The following GON4L variants were observed in gnomAD, a reference collection of about 807,000 sequenced individuals.
GON4L encodes gon-4 like, also known as GON-4-like protein.
A neutral mutation model predicts 211.8 loss-of-function variants in GON4L; 87 were observed. The ratio of observed to expected loss-of-function variants is 0.41; its 90% confidence interval spans 0.35 to 0.49. The LOEUF is 0.49. GON4L is among the 20% of genes least tolerant of loss of function. The pLI is 0.15. For synonymous variants in GON4L, 875 were observed against 962.6 expected (o/e 0.91, Z 1.68); for missense variants, 2,155 against 2,659.5 (o/e 0.81, Z 4.17).
At chr1:155,803,709 A>C (rs1666892751) in intron 11 of GON4L, among the ~76,000 whole-genome samples, 1 of 152,220 alleles carries the variant, frequency 6.6e-6, no homozygotes. Flanking sequence ...AATCCCATGT[A>C]GTACCAAGAG....
At chr1:155,847,659 G>A (rs892067398) in intron 2 of GON4L, among the ~76,000 whole-genome samples, 12 of 152,002 alleles carry the variant, frequency 7.9e-5, no homozygotes, top group Non-Finnish European at 1.5e-4. Context: ...CTGAGATGGC[G>A]CCACTGCACT....
intron 14 of GON4L, among the ~76,000 whole-genome samples, chr1:155,780,605 T>A (rs908310543): frequency 1.3e-5 from 2 of 151,496 alleles, no homozygotes; most frequent in Admixed American, 1.3e-4. Flanking sequence ...AAAAATAAAA[T>A]AAAATAAATA....
intron 2 of GON4L, among the ~76,000 whole-genome samples, chr1:155,839,556 CAGG>C (rs1670595337): frequency 6.6e-6 from 1 of 150,610 alleles, no homozygotes; most frequent in Non-Finnish European, 1.5e-5. Context: ...GAGGCTGAGG[CAGG>C]AGAATTGCTT....
chr1:155,804,798 A>G (rs1666989483), intron 11 of GON4L, 151 bp downstream of exon 11: 2 of 683,516 alleles, frequency 2.9e-6, no homozygotes, highest in Non-Finnish European at 5.2e-6. Context: ...AAAAAAAAAG[A>G]AAAATTAACT....
intron 2 of GON4L, 147 bp downstream of exon 2, chr1:155,853,129 A>G (rs1671963050): frequency 3.8e-6 from 3 of 782,904 alleles, no homozygotes; most frequent in South Asian, 3.0e-5. Context: ...AAAAAAGTTC[A>G]CTGTTGACCC....
At chr1:155,752,902 C>T (rs1005980327) in intron 29 of GON4L, among the ~76,000 whole-genome samples, 1 of 152,046 alleles carries the variant, frequency 6.6e-6, no homozygotes, top group Non-Finnish European at 1.5e-5. Flanking sequence ...AAGCTGAGAA[C>T]GGCCCAGTCT....
rs1006008719 is a variant in GON4L at position 155,785,209 on chromosome 1, A to T, written c.1788+125T>A. 1.5e-5 allele frequency: 12 copies of T among 779,312 alleles called. No homozygotes were observed. The Admixed American group carries it at 2.1e-4, about 13-fold the overall frequency. The allele number at this position is 779,312 out of a possible 1,614,324, so 48.3% of individuals were successfully genotyped here. Reference sequence around the variant, plus strand: ...TGTCATTATATTCTTTCCCAGGTAGACTAAAAGGAGAATTGGTTCAGTCAG... The same window carrying T: ...TGTCATTATATTCTTTCCCAGGTAGTCTAAAAGGAGAATTGGTTCAGTCAG... On this transcript the variant is annotated intron_variant, in intron 13 of 31. Coordinates refer to ENST00000368331, the MANE Select transcript of GON4L (RefSeq NM_001282860.2).
At chr1:155,818,381 G>A (rs1433598246) in intron 6 of GON4L, among the ~76,000 whole-genome samples, 1 of 151,994 alleles carries the variant, frequency 6.6e-6, no homozygotes. Context: ...CAAAGTGCTG[G>A]GATTACAGGC....
chr1:155,788,609 T>C (rs575102959), intron 12 of GON4L, among the ~76,000 whole-genome samples: 2 of 152,234 alleles, frequency 1.3e-5, no homozygotes, highest in South Asian at 2.1e-4. Context: ...AACACAAAAA[T>C]AGATAATCTG....
chr1:155,777,204 T>C (rs1048715985), intron 15 of GON4L, among the ~76,000 whole-genome samples: 1 of 152,206 alleles, frequency 6.6e-6, no homozygotes, highest in African/African-American at 2.4e-5. Context: ...GAAGATACTA[T>C]GGTTTTAGGA....
chr1:155,800,983 G>T (rs1394902390), intron 11 of GON4L, among the ~76,000 whole-genome samples: 1 of 151,278 alleles, frequency 6.6e-6, no homozygotes, highest in Non-Finnish European at 1.5e-5. Context: ...GCAAGACAAT[G>T]AATTTCTCTG....
chr1:155,817,684 C>A (rs990254283), intron 6 of GON4L, among the ~76,000 whole-genome samples: 5 of 152,136 alleles, frequency 3.3e-5, no homozygotes, highest in Non-Finnish European at 7.3e-5. Flanking sequence ...GAGATCAAGG[C>A]AGAAGGATCA....
intron 21 of GON4L, 70 bp from the exon 22 acceptor site, chr1:155,763,634 A>G (rs147846795): frequency 7.3e-5 from 96 of 1,306,796 alleles, no homozygotes; most frequent in East Asian, 7.3e-4. Context: ...ACACAAAGCT[A>G]TATCAGGATA....
intron 12 of GON4L, among the ~76,000 whole-genome samples, chr1:155,789,664 A>C (rs1665323332): frequency 6.6e-6 from 1 of 152,126 alleles, no homozygotes. Flanking sequence ...TGCATTTGAA[A>C]ACTAAGATGC....
At chr1:155,846,663 T>A (rs890163449) in intron 2 of GON4L, 9 of 152,082 alleles carry the variant, frequency 5.9e-5, no homozygotes, top group Admixed American at 3.3e-4. Context: ...TAAAATCTTA[T>A]AAACTAAACC....
rs1662988108 is a variant in GON4L, at chr1:155,769,798, A to G, written c.2646+1269T>C. Among the ~76,000 whole-genome samples the G allele has an allele frequency of 2.6e-5, 4 of 152,198 alleles. No homozygotes were observed. In the South Asian group the frequency reaches 8.3e-4, roughly 32 times the overall value. On this transcript the variant is annotated intron_variant, in intron 19 of 31. Coordinates refer to ENST00000368331, the MANE Select transcript of GON4L (RefSeq NM_001282860.2). ...ACAACCTAACCAAAATTGTGACATA[A>G]TTACTAGCGAGGAGATTGGAGAGCA...
In GON4L at chr1:155,765,212, C is replaced by T; in HGVS notation, c.4261G>A (p.Glu1421Lys). ...CCTGGGGGGCTACTAAGCCTCACTT[C>T]AGGATCCATTGAGGACAAAGCATTC... is the stretch of plus-strand genomic sequence containing the variant. ...SKNALSSMDP[E>K]VRLSSPPGKP... Residue 1421 changes from glutamate to lysine, a missense_variant, in exon 21 of 32, where the codon GAA becomes AAA. Glu to Lys is a moderately conservative substitution (Grantham distance 56). Around this residue, in one of 6 missense-constraint regions of GON4L, gnomAD observed 615 missense variants for 625.7 expected, o/e 0.98. Transcript: ENST00000368331. 2 of 1,614,202 alleles carry T rather than the reference C, an allele frequency of 1.2e-6. No individual in the cohort carries two copies. Among genetic ancestry groups the T allele is most frequent in the South Asian group, 2.2e-5 (2 of 91,088 alleles).
In GON4L at chr1:155,785,327, TACTC is replaced by T; in HGVS notation, c.1788+3_1788+6del. ...TCCCGTGTTCTCACTCGAGGATCATTACTCACAGTTTCAAACAGCTCTTCCATCA... is the reference window on the plus strand; with the variant it reads ...TCCCGTGTTCTCACTCGAGGATCATTACAGTTTCAAACAGCTCTTCCATCA... On this transcript the variant is annotated splice_donor_5th_base_variant and intron_variant, in intron 13 of 31. Transcript: ENST00000368331. The T allele has an allele frequency of 6.4e-7, 1 of 1,560,032 alleles. No individual in the cohort carries two copies. Among genetic ancestry groups the T allele is most frequent in the Non-Finnish European group, 8.8e-7 (1 of 1,130,480 alleles).
In GON4L at chr1:155,766,225, A is replaced by G; in HGVS notation, c.3248T>C (p.Phe1083Ser). 3.1e-6 allele frequency: 5 copies of G among 1,614,066 alleles called. No individual in the cohort carries two copies. Among genetic ancestry groups the G allele is most frequent in the African/African-American group, 1.3e-5 (1 of 74,970 alleles). The stretch of plus-strand genomic sequence containing the variant: ...CAAAGTCTGGGACTCAGACAGAGGG[A>G]AGCTTGTCCTGGCCTCAGGGGGCAC... ...PAVPPEARTS[F>S]PLSESQTLLS... Residue 1083 changes from phenylalanine (F) to serine (S), a missense_variant, in exon 21 of 32, where the codon TTC (phenylalanine) becomes TCC (serine). Around this residue, in one of 6 missense-constraint regions of GON4L, gnomAD observed 615 missense variants for 625.7 expected, o/e 0.98. Coordinates refer to ENST00000368331, the MANE Select transcript of GON4L (RefSeq NM_001282860.2).
Sources: gnomAD v4.1 joint callset for allele counts (sites outside exome capture counted in the v4.1 genomes callset) on GRCh38, gnomAD v4.1.1 for gene constraint, gnomAD v4.1.1 regional missense constraint, MANE v1.5 for transcripts, NCBI Gene and HGNC (gene_info 2026-07-23, HGNC 2026-07-21) for gene names.